DCAF4: variants seen among roughly 807,000 people sequenced by gnomAD.
DCAF4 encodes DDB1- and CUL4-associated factor 4.
In DCAF4, 37 loss-of-function variants were observed where a neutral mutation model predicts 60.9. The observed-to-expected ratio is 0.61, with a 90% confidence interval of 0.47 to 0.80. The LOEUF (loss-of-function observed/expected upper bound fraction) is 0.80, where lower values mean the gene tolerates loss of function less well. DCAF4 is among the 30% of genes least tolerant of loss of function. DCAF4 has a pLI of 0.00. For missense variants in DCAF4, 577 were observed against 650.0 expected (o/e 0.89, Z 1.22); for synonymous variants, 243 against 254.8 (o/e 0.95, Z 0.44).
chr14:72,931,263 C>CTTTTTTT (rs370127536), intron 1 of DCAF4, among the ~76,000 whole-genome samples: 12 of 126,786 alleles, frequency 9.5e-5, no homozygotes, highest in East Asian at 2.2e-4. Context: ...TACTTTTTCT[C>CTTTTTTT]TTTTTTTTTT....
At chr14:72,928,259 T>C (rs953055490) in intron 1 of DCAF4, among the ~76,000 whole-genome samples, 1 of 136,428 alleles carries the variant, frequency 7.3e-6, no homozygotes, top group Non-Finnish European at 1.5e-5. Flanking sequence ...AGTGGCGCGA[T>C]CTCGGCTCAC....
chr14:72,939,430 C>T (rs1889723248), intron 2 of DCAF4, among the ~76,000 whole-genome samples: 1 of 152,152 alleles, frequency 6.6e-6, no homozygotes, highest in Admixed American at 6.5e-5. Flanking sequence ...GAATGAAATT[C>T]ACCTAGCCTT....
At chr14:72,951,745 C>A in intron 8 of DCAF4, 53 bp from the exon 9 acceptor site, 1 of 1,562,990 alleles carries the variant, frequency 6.4e-7, no homozygotes, top group Non-Finnish European at 8.8e-7. Flanking sequence ...AATGTCCATG[C>A]CTCCTCCCAG....
intron 1 of DCAF4, among the ~76,000 whole-genome samples, chr14:72,929,318 C>T (rs910408043): frequency 6.6e-6 from 1 of 152,246 alleles, no homozygotes; most frequent in Non-Finnish European, 1.5e-5. Context: ...GAGCCGACCT[C>T]CTCATGCATG....
rs1277984060 is a variant in DCAF4 at position 72,930,017 on chromosome 14, G to C, written c.-9+3474G>C. The C allele has an allele frequency of 5.1e-6, 3 of 590,726 alleles. No individual in the cohort carries two copies. The East Asian group carries it at 8.7e-5, about 17-fold the overall frequency. 36.6% of individuals were successfully genotyped at this position (590,726 alleles called of 1,614,324 possible). On this transcript the variant is annotated intron_variant, in intron 1 of 13. Transcript: ENST00000358377. ...TGTTGTGGCTCGTGCCTGTAATTCC[G>C]GCTACTCCGAGGTTGAGGCAGGAGG...
In DCAF4 at chr14:72,938,061, C is replaced by A. The variant is rs1355314446; in HGVS notation, c.83C>A (p.Ser28Tyr). The A allele has an allele frequency of 1.9e-6, 3 of 1,606,778 alleles. No homozygotes were observed. Among genetic ancestry groups the A allele is most frequent in the Non-Finnish European group, 2.5e-6 (3 of 1,177,856 alleles). ...AACCCTTGGTTCAGACTCCGTGATT[C>A]TGAAGACAGGCAAGTGTGCCGCTCT... ...QQNPWFRLRD[S>Y]EDRSDSRAAQ... The change falls in exon 2 of 14, where the codon TCT (serine) becomes TAT (tyrosine). Residue 28 changes from serine to tyrosine, a missense_variant. Coordinates refer to ENST00000358377, the MANE Select transcript of DCAF4 (RefSeq NM_015604.4).
chr14:72,940,049 C>T (rs765791089), intron 3 of DCAF4, 147 bp downstream of exon 3: 113 of 1,168,092 alleles, frequency 9.7e-5, no homozygotes, highest in Non-Finnish European at 1.3e-4. Flanking sequence ...TGAGGCAAAC[C>T]GCCTCCCCCA....
intron 1 of DCAF4, among the ~76,000 whole-genome samples, chr14:72,932,334 A>T (rs1888686179): frequency 2.6e-5 from 4 of 152,200 alleles, no homozygotes. Flanking sequence ...GATTTTGGTA[A>T]CAAGGTAATA....
At position 72,927,371 on chromosome 14, in the gene DCAF4, T is replaced by TG. The variant is rs779510410; in HGVS notation, c.-9+829dup. Among the ~76,000 whole-genome samples, 32 of 58,928 alleles carry TG rather than the reference T, an allele frequency of 5.4e-4. 2 individuals carry two copies. Among genetic ancestry groups the TG allele is most frequent in the South Asian group, 1.8e-3 (3 of 1,674 alleles). The allele number at this position is 58,928 out of a possible 152,430, so 38.7% of individuals were successfully genotyped here. The stretch of plus-strand genomic sequence containing the variant: ...TTTTTTTTTTTTTTTTTTTTTTTTT[T>TG]GAGGCGGAGTCTCGCTGTCGCCCAG... On this transcript the variant is annotated intron_variant, in intron 1 of 13. Coordinates refer to ENST00000358377, the MANE Select transcript of DCAF4 (RefSeq NM_015604.4).
chr14:72,942,603 GGCCGTATCCTGGGGCTCTTCCCGGCA>G (rs11273176), intron 5 of DCAF4: 54,910 of 188,328 alleles, frequency 0.29, 8,312 homozygotes, highest in Non-Finnish European at 0.32. Flanking sequence ...AACAAGAGGC[GGCCGTATCCTGGGGCTCTTCCCGGCA>G]GCCGTATCCT....
intron 1 of DCAF4, among the ~76,000 whole-genome samples, chr14:72,927,782 A>G (rs1042600509): frequency 6.6e-6 from 1 of 152,200 alleles, no homozygotes; most frequent in East Asian, 1.9e-4. Context: ...GTAAAATAGG[A>G]TTGAAAATAC....
At chr14:72,944,981 C>T (rs552189898) in intron 6 of DCAF4, among the ~76,000 whole-genome samples, 1 of 152,218 alleles carries the variant, frequency 6.6e-6, no homozygotes, top group Non-Finnish European at 1.5e-5. Context: ...CCCAGCTACT[C>T]AGGAGGCTGA....
At chr14:72,929,407 A>G (rs1394288711) in intron 1 of DCAF4, among the ~76,000 whole-genome samples, 1 of 152,078 alleles carries the variant, frequency 6.6e-6, no homozygotes, top group Non-Finnish European at 1.5e-5. Context: ...TCTGTGTTAA[A>G]TCTCAGATTT....
downstream of DCAF4, among the ~76,000 whole-genome samples, chr14:72,961,655 C>T (rs1892827227): frequency 1.3e-5 from 2 of 152,376 alleles, no homozygotes; most frequent in East Asian, 1.9e-4. Context: ...TCTAGGAAGC[C>T]TTCTGTCCCT....
In DCAF4 at chr14:72,946,020, A is replaced by G; in HGVS notation, c.671A>G (p.Asn224Ser). 4 of 1,613,744 alleles carry G rather than the reference A, an allele frequency of 2.5e-6. No homozygotes were observed. The South Asian group carries it at 3.3e-5, about 13-fold the overall frequency. Residue 224 changes from asparagine to serine, a missense_variant, in exon 7 of 14, where the codon AAC (asparagine) becomes AGC (serine). By Grantham distance (46) the Asn-to-Ser change is conservative. Coordinates refer to ENST00000358377, the MANE Select transcript of DCAF4 (RefSeq NM_015604.4). ...ATGCACGAAAACCTCTACTTCACCA[A>G]CCGGAAGGTACGTTGCCCATCCCTG... Reference protein sequence around the residue: ...VFMHENLYFTNRKVNSVCWAS... With the variant: ...VFMHENLYFTSRKVNSVCWAS...
intron 1 of DCAF4, among the ~76,000 whole-genome samples, chr14:72,937,460 T>A (rs909592657): frequency 1.4e-5 from 2 of 138,158 alleles, no homozygotes; most frequent in African/African-American, 5.2e-5. Flanking sequence ...TCGCCCAGGC[T>A]AGAGTGCAGT....
chr14:72,959,647 T>C lies in DCAF4; in HGVS notation c.*842T>C. 1.0e-6 allele frequency: 1 copy of C among 985,436 alleles called. No homozygotes were observed. The highest frequency in any genetic ancestry group is 4.7e-5 in the South Asian group (1 of 21,286). The allele number at this position is 985,436 out of a possible 1,614,324, so 61.0% of individuals were successfully genotyped here. ...CCAAACAATAAAACCAAGAGAAGAATCATGGTGTGACATGCACTTCTGTGA... is the reference window on the plus strand; with the variant it reads ...CCAAACAATAAAACCAAGAGAAGAACCATGGTGTGACATGCACTTCTGTGA... On this transcript the variant is annotated 3_prime_UTR_variant, in exon 14 of 14. Coordinates refer to ENST00000358377, the MANE Select transcript of DCAF4 (RefSeq NM_015604.4).
intron 6 of DCAF4, among the ~76,000 whole-genome samples, 177 bp from the exon 7 acceptor site, chr14:72,945,707 A>G (rs527810065): frequency 1.1e-4 from 16 of 152,294 alleles, no homozygotes; most frequent in Admixed American, 4.6e-4. Flanking sequence ...CTTTGCCCAG[A>G]CATGGCTGCA....
At chr14:72,940,132 G>T in intron 3 of DCAF4, 88 bp from the exon 4 acceptor site, 1 of 1,531,070 alleles carries the variant, frequency 6.5e-7, no homozygotes, top group Non-Finnish European at 9.0e-7. Context: ...AGGCAGCCAC[G>T]AGGTGGGGGG....
Sources: allele counts gnomAD v4.1 joint callset (sites outside exome capture counted in the v4.1 genomes callset), GRCh38; gene constraint gnomAD v4.1.1; transcripts MANE v1.5; gene names NCBI Gene and HGNC (gene_info 2026-07-23, HGNC 2026-07-21).